BAZ1A: variants seen among roughly 807,000 people sequenced by gnomAD.
The protein encoded by BAZ1A is bromodomain adjacent to zinc finger domain 1A, also known as bromodomain adjacent to zinc finger domain protein 1A.
In BAZ1A, 50 loss-of-function variants were observed where a neutral mutation model predicts 185.2. That is an observed-to-expected ratio of 0.27 (90% CI 0.22 to 0.34). The LOEUF (loss-of-function observed/expected upper bound fraction) is 0.34. Ranked by LOEUF, BAZ1A falls within the 10% of genes least tolerant of loss-of-function variation. The pLI is 1.00. For synonymous variants in BAZ1A, 571 were observed against 615.6 expected, an observed-to-expected ratio of 0.93 and a Z score of 1.07; for missense variants, 1,356 against 1,839.9, an observed-to-expected ratio of 0.74 and a Z score of 4.81.
At chr14:34,855,927 A>T (rs2042669015) in intron 3 of BAZ1A, among the ~76,000 whole-genome samples, 1 of 152,166 alleles carries the variant, frequency 6.6e-6, no homozygotes, top group Admixed American at 6.5e-5. Flanking sequence ...ATAAGTAAGT[A>T]AAGGGCTTTT....
Position 34,771,535 on chromosome 14 carries a change from G to A in BAZ1A, c.3277C>T (p.Arg1093Trp). ...ALFQIEQGIE[R>W]RFLKAPLDAS... ...CCAAGTGGAGCTTTCAGAAAACGCC[G>A]CTCAATGCCCTGCTCTATTTGAAAG... The change falls in exon 21 of 27, where the codon CGG becomes TGG. Residue 1093 changes from arginine to tryptophan, a missense_variant. By Grantham distance (101) the Arg-to-Trp change is moderately radical. Coordinates refer to ENST00000360310, the MANE Select transcript of BAZ1A (RefSeq NM_013448.3). The A allele has an allele frequency of 1.2e-6, 2 of 1,610,598 alleles. No homozygotes were observed. The highest frequency in any genetic ancestry group is 1.7e-6 in the Non-Finnish European group (2 of 1,178,912).
intron 3 of BAZ1A, among the ~76,000 whole-genome samples, chr14:34,852,194 T>A (rs1156492820): frequency 3.3e-5 from 5 of 152,002 alleles, no homozygotes; most frequent in Non-Finnish European, 7.4e-5. Context: ...AAAAACTATG[T>A]CTGTCCACTA....
In BAZ1A at chr14:34,810,905, AACT is replaced by A. The variant is rs1403495829; in HGVS notation, c.638+27_638+29del. The A allele has an allele frequency of 5.5e-6, 8 of 1,459,368 alleles. No individual in the cohort carries two copies. In the African/African-American group the frequency reaches 1.1e-4, roughly 20 times the overall value. 90.4% of individuals were successfully genotyped at this position (1,459,368 alleles called of 1,614,324 possible). Reference sequence around the variant, plus strand: ...TAACATACATAATTATTCTACTTTAAACTACTATTGAGAAGATAGTGAGTTTTA... The same window carrying A: ...TAACATACATAATTATTCTACTTTAAACTATTGAGAAGATAGTGAGTTTTA... On this transcript the variant is annotated intron_variant, in intron 5 of 26. Transcript: ENST00000360310.
chr14:34,844,205 CAAA>C (rs71121227), intron 3 of BAZ1A, among the ~76,000 whole-genome samples: 1 of 109,830 alleles, frequency 9.1e-6, no homozygotes, highest in African/African-American at 3.7e-5. Flanking sequence ...GACTCCGTCT[CAAA>C]AAAAAAAAAA....
intron 7 of BAZ1A, among the ~76,000 whole-genome samples, chr14:34,802,450 C>T (rs1881619214): frequency 6.6e-6 from 1 of 152,144 alleles, no homozygotes. Context: ...CCTCAGCCTC[C>T]CAAAGTACTG....
intron 24 of BAZ1A, among the ~76,000 whole-genome samples, chr14:34,760,889 C>T (rs773843076): frequency 6.6e-6 from 1 of 151,830 alleles, no homozygotes; most frequent in Admixed American, 6.6e-5. Context: ...TTACCACTTA[C>T]ATTAAAACAA....
chr14:34,839,700 G>A (rs2042383472), intron 3 of BAZ1A, among the ~76,000 whole-genome samples: 1 of 151,246 alleles, frequency 6.6e-6, no homozygotes, highest in Non-Finnish European at 1.5e-5. Context: ...AAAATTAGCT[G>A]GGCGTGGTGG....
At chr14:34,835,539 G>C (rs1176234297) in intron 3 of BAZ1A, among the ~76,000 whole-genome samples, 2 of 151,914 alleles carry the variant, frequency 1.3e-5, no homozygotes, top group African/African-American at 4.9e-5. Flanking sequence ...CAGGCAATGC[G>C]AGGCTCCTTA....
chr14:34,820,015 A>G (rs1566579226), intron 4 of BAZ1A, among the ~76,000 whole-genome samples: 3 of 151,818 alleles, frequency 2.0e-5, no homozygotes, highest in Non-Finnish European at 4.4e-5. Context: ...CAATTCCCTA[A>G]TGACATATGA....
chr14:34,853,523 G>A (rs552134339), intron 3 of BAZ1A, among the ~76,000 whole-genome samples: 23 of 152,332 alleles, frequency 1.5e-4, no homozygotes, highest in Non-Finnish European at 2.6e-4. Context: ...AGTGATTCAC[G>A]CCTGTAATCC....
intron 3 of BAZ1A, among the ~76,000 whole-genome samples, chr14:34,837,966 A>G (rs900977292): frequency 6.6e-6 from 1 of 152,242 alleles, no homozygotes; most frequent in Non-Finnish European, 1.5e-5. Context: ...AACCGGCCTC[A>G]ATGTGAAAAA....
In BAZ1A at chr14:34,775,905, C is replaced by A; in HGVS notation, c.2833+14G>T. 6.4e-7 allele frequency: 1 copy of A among 1,555,318 alleles called. No homozygotes were observed. Among genetic ancestry groups the A allele is most frequent in the South Asian group, 1.2e-5 (1 of 83,612 alleles). ...AGGGAAAAAAAGTAAAAACAATTTT[C>A]ATTGAAAATTTACCTGAAAAATGAA... On this transcript the variant is annotated intron_variant, in intron 18 of 26. Transcript: ENST00000360310.
intron 20 of BAZ1A, among the ~76,000 whole-genome samples, chr14:34,772,430 C>T (rs909434260): frequency 6.6e-6 from 1 of 152,058 alleles, no homozygotes; most frequent in East Asian, 1.9e-4. Context: ...TGTACTTCAT[C>T]TGCACTGGGT....
rs771429824 is a variant in BAZ1A at position 34,800,259 on chromosome 14, C to T, written c.1093G>A (p.Glu365Lys). ...IVEEERLKKK[E>K]EKERLKVERE... The stretch of plus-strand genomic sequence containing the variant: ...TCTACTTTAAGCCTCTCTTTTTCTT[C>T]TTTTTTCTTTAGTCTCTCTTCTTCA... The change falls in exon 9 of 27, where the codon GAA becomes AAA. Residue 365 changes from glutamate to lysine, a missense_variant. Physicochemically the swap from Glu to Lys is moderately conservative, Grantham distance 56. Around this residue, in one of 7 missense-constraint regions of BAZ1A, gnomAD observed 184 missense variants for 355.1 expected, o/e 0.52. Transcript: ENST00000360310. The T allele has an allele frequency of 6.2e-5, 88 of 1,419,378 alleles. No homozygotes were observed. Among genetic ancestry groups the T allele is most frequent in the South Asian group, 4.7e-4 (36 of 75,796 alleles). 87.9% of individuals were successfully genotyped at this position (1,419,378 alleles called of 1,614,324 possible).
intron 2 of BAZ1A, among the ~76,000 whole-genome samples, chr14:34,871,786 G>T (rs1282053040): frequency 6.6e-6 from 1 of 152,174 alleles, no homozygotes; most frequent in African/African-American, 2.4e-5. Flanking sequence ...GGCAGAGAAT[G>T]CTTGAACCCG....
At chr14:34,813,463 A>G (rs1389452027) in intron 4 of BAZ1A, among the ~76,000 whole-genome samples, 1 of 152,028 alleles carries the variant, frequency 6.6e-6, no homozygotes, top group Non-Finnish European at 1.5e-5. Flanking sequence ...CAGGTGGATC[A>G]CCTGAGGTCA....
intron 3 of BAZ1A, among the ~76,000 whole-genome samples, chr14:34,858,051 G>A (rs762596677): frequency 2.6e-5 from 4 of 152,084 alleles, no homozygotes; most frequent in East Asian, 1.9e-4. Flanking sequence ...GCAATACAGC[G>A]AACAAAAATT....
rs1881151231 is a variant in BAZ1A, at chr14:34,795,737, C to T, written c.1157G>A (p.Arg386Gln). 12 of 1,612,456 alleles carry T rather than the reference C, an allele frequency of 7.4e-6. No homozygotes were observed. The highest frequency in any genetic ancestry group is 2.2e-5 in the East Asian group (1 of 44,818). ...KEREKLREEK[R>Q]KYVEYLKQWS... ...CTGTTTTAAGTATTCCACATACTTT[C>T]GCTTTTCTTCACGTAACTTCTCTCT... The change falls in exon 10 of 27, where the codon CGA (arginine) becomes CAA (glutamine). Residue 386 changes from arginine (R) to glutamine (Q), a missense_variant. Physicochemically the swap from Arg to Gln is conservative, Grantham distance 43. Coordinates refer to ENST00000360310, the MANE Select transcript of BAZ1A (RefSeq NM_013448.3).
intron 6 of BAZ1A, among the ~76,000 whole-genome samples, chr14:34,803,271 C>T (rs1340468389): frequency 1.3e-5 from 2 of 150,000 alleles, no homozygotes; most frequent in South Asian, 2.1e-4. Context: ...CCCAGGTACT[C>T]GGGAGGCTGA....
Sources: allele counts gnomAD v4.1 joint callset (sites outside exome capture counted in the v4.1 genomes callset), GRCh38; gene constraint gnomAD v4.1.1; regional missense constraint gnomAD v4.1.1; transcripts MANE v1.5; gene names NCBI Gene and HGNC (gene_info 2026-07-23, HGNC 2026-07-21).